Variants in DUSP4 observed in about 807,000 individuals in gnomAD.
The protein encoded by DUSP4 is dual specificity phosphatase 4, also known as dual specificity protein phosphatase 4.
A neutral mutation model predicts 27.2 loss-of-function variants in DUSP4; 12 were observed. The ratio of observed to expected loss-of-function variants is 0.44; its 90% CI spans 0.28 to 0.71. DUSP4 has a LOEUF of 0.71. Ranked by LOEUF, DUSP4 falls within the 30% of genes least tolerant of loss-of-function variation. DUSP4 has a pLI of 0.14. For synonymous variants in DUSP4, 257 were observed against 245.2 expected, an observed-to-expected ratio of 1.05 and a Z score of -0.45; for missense variants, 448 against 551.3, an observed-to-expected ratio of 0.81 and a Z score of 1.88.
intron 1 of DUSP4, chr8:29,347,689 G>A: frequency 1.1e-6 from 1 of 949,934 alleles, no homozygotes; most frequent in Non-Finnish European, 1.3e-6. Context: ...CGTCGGGGCC[G>A]ACTACGAGAG....
chr8:29,349,669 C>G (rs976672406), intron 1 of DUSP4, among the ~76,000 whole-genome samples, 177 bp downstream of exon 1: 6 of 152,242 alleles, frequency 3.9e-5, no homozygotes, highest in African/African-American at 1.4e-4. Flanking sequence ...GGACTTGAAC[C>G]TCGCACTTGC....
Position 29,345,821 on chromosome 8 carries a change from A to G in DUSP4, c.433+4025T>C, listed in dbSNP as rs534896183. 2.6e-6 allele frequency: 3 copies of G among 1,166,002 alleles called. No homozygotes were observed. The African/African-American group carries it at 4.9e-5, about 19-fold the overall frequency. The allele number at this position is 1,166,002 out of a possible 1,614,324, so 72.2% of individuals were successfully genotyped here. A position where few individuals can be genotyped will look rare whatever the true frequency, so the allele number is the denominator to read the frequency against. On this transcript the variant is annotated intron_variant, in intron 1 of 3. Transcript: ENST00000240100. ...TGTTAGTTGGAGACATCCAATGTAAATGGTGTCTAACATAGTGAGTTTGCT... is the reference window on the plus strand; with the variant it reads ...TGTTAGTTGGAGACATCCAATGTAAGTGGTGTCTAACATAGTGAGTTTGCT...
chr8:29,345,230 A>T, intron 1 of DUSP4: 1 of 1,030,142 alleles, frequency 9.7e-7, no homozygotes, highest in Non-Finnish European at 1.4e-6. Context: ...TTGCCAGAAA[A>T]GTCATGCTCT....
chr8:29,350,619 G>A lies in DUSP4; in HGVS notation c.-341C>T, dbSNP rs1032857244. 1 of 286,576 alleles carries A rather than the reference G, an allele frequency of 3.5e-6. No individual in the cohort carries two copies. The allele number at this position is 286,576 out of a possible 1,614,324, so 17.8% of individuals were successfully genotyped here. ...TATTTTTGCCGGTCGCGCGGCTCCT[G>A]TCGCCACTGGCGCCAGCGCTGCCCT... On this transcript the variant is annotated 5_prime_UTR_variant, in exon 1 of 4. Transcript: ENST00000240100.
In DUSP4 at chr8:29,345,107, G is replaced by A. The variant is rs563404629; in HGVS notation, c.433+4739C>T. On this transcript the variant is annotated intron_variant, in intron 1 of 3. Coordinates refer to ENST00000240100, the MANE Select transcript of DUSP4 (RefSeq NM_001394.7). ...CAAAGTGCTAGGATTGCAGGTGTGA[G>A]CCACCACACCCGGCCTTGGTCATGA... Among the ~76,000 whole-genome samples, 3 of 152,272 alleles carry A rather than the reference G, an allele frequency of 2.0e-5. No homozygotes were observed. The East Asian group carries it at 5.8e-4, about 29-fold the overall frequency.
rs764669713 is a variant in DUSP4, at chr8:29,337,201, G to A, written c.1010C>T (p.Thr337Met). 26 of 1,613,416 alleles carry A rather than the reference G, an allele frequency of 1.6e-5. No individual in the cohort carries two copies. The Admixed American group carries it at 1.8e-4, about 11-fold the overall frequency. ...LLQFESQVLA[T>M]SCAAEAASPS... ...GCTAGCAGCCTCCGCAGCACAGGAC[G>A]TGGCCAGCACCTGGGACTCGAACTG... The change falls in exon 4 of 4, where the codon ACG (threonine) becomes ATG (methionine). Residue 337 changes from threonine to methionine, a missense_variant. By Grantham distance (81) the Thr-to-Met change is moderately conservative (BLOSUM62 -1). Transcript: ENST00000240100. The surrounding 1 kb of genome is among the most constrained non-coding windows in gnomAD (Gnocchi z 6.4).
chr8:29,350,198 G>A lies in DUSP4; in HGVS notation c.81C>T (p.Gly27=). 6.2e-7 allele frequency: 1 copy of A among 1,607,776 alleles called. No individual in the cohort carries two copies. The highest frequency in any genetic ancestry group is 8.5e-7 in the Non-Finnish European group (1 of 1,178,090). ...RLMNRDENGG[G]AGGSGSHGTL... ...TGCCGTGGCTGCCGCTGCCGCCCGCGCCGCCGCCATTCTCGTCCCGGTTCA... is the reference window on the plus strand; with the variant it reads ...TGCCGTGGCTGCCGCTGCCGCCCGCACCGCCGCCATTCTCGTCCCGGTTCA... The change falls in exon 1 of 4, where the codon GGC becomes GGT. Residue 27 remains glycine (G), a synonymous_variant. Transcript: ENST00000240100.
rs1442651381 is a variant in DUSP4, at chr8:29,334,303, T to A, written c.*2723A>T. The A allele has an allele frequency of 1.3e-5, 2 of 152,258 alleles. No homozygotes were observed. Among genetic ancestry groups the A allele is most frequent in the Admixed American group, 1.3e-4 (2 of 15,288 alleles). 9.4% of individuals were successfully genotyped at this position (152,258 alleles called of 1,614,324 possible). ...GTTGAAACTCACTGACCTATTGGAC[T>A]GACGCTGGGGTGGTATCTTCATCAG... On this transcript the variant is annotated 3_prime_UTR_variant, in exon 4 of 4. Transcript: ENST00000240100.
rs1817596675 is a variant in DUSP4, at chr8:29,337,484, C to T, written c.800-73G>A. 1.3e-6 allele frequency: 2 copies of T among 1,515,398 alleles called. No individual in the cohort carries two copies. The highest frequency in any genetic ancestry group is 1.4e-5 in the African/African-American group (1 of 72,346). The allele number at this position is 1,515,398 out of a possible 1,614,324, so 93.9% of individuals were successfully genotyped here. A position where few individuals can be genotyped will look rare whatever the true frequency, so the allele number is the denominator to read the frequency against. The stretch of plus-strand genomic sequence containing the variant: ...CCCCGACCAGGGGCACCGGCCAGCC[C>T]CTGGGGTCGGGGGGCTCTGAAGGAA... On this transcript the variant is annotated intron_variant, in intron 3 of 3. Transcript: ENST00000240100. This position sits in a 1 kb window ranked among gnomAD's most constrained non-coding sequence, Gnocchi z 6.4.
intron 1 of DUSP4, among the ~76,000 whole-genome samples, chr8:29,343,837 A>G (rs1035920099): frequency 3.3e-5 from 5 of 152,148 alleles, no homozygotes; most frequent in Non-Finnish European, 5.9e-5. Flanking sequence ...ATATAAATTA[A>G]AATGTGTTTC....
intron 1 of DUSP4, 126 bp from the exon 2 acceptor site, chr8:29,340,369 C>CA (rs1817640932): frequency 8.1e-7 from 1 of 1,227,462 alleles, no homozygotes; most frequent in East Asian, 2.5e-5. Flanking sequence ...CCATATTGGC[C>CA]ACTAGGTGGC....
In DUSP4 at chr8:29,335,025, T is replaced by C. The variant is rs1037940239; in HGVS notation, c.*2001A>G. ...AGAGTATCCCAACGTGACGGTGACA[T>C]TGAGGCTTGACGTTATTTATGGGTG... is the stretch of plus-strand genomic sequence containing the variant. On this transcript the variant is annotated 3_prime_UTR_variant, in exon 4 of 4. Transcript: ENST00000240100. 2.0e-4 allele frequency: 31 copies of C among 152,154 alleles called. No homozygotes were observed. The highest frequency in any genetic ancestry group is 6.5e-4 in the African/African-American group (27 of 41,414). The allele number at this position is 152,154 out of a possible 1,614,324, so 9.4% of individuals were successfully genotyped here. A position where few individuals can be genotyped will look rare whatever the true frequency, so the allele number is the denominator to read the frequency against.
Position 29,337,197 on chromosome 8 carries a change from G to C in DUSP4, c.1014C>G (p.Ser338=), listed in dbSNP as rs1817587950. The change falls in exon 4 of 4, where the codon TCC becomes TCG. Residue 338 remains serine (S), a synonymous_variant. Coordinates refer to ENST00000240100, the MANE Select transcript of DUSP4 (RefSeq NM_001394.7). The surrounding 1 kb of genome is among the most constrained non-coding windows in gnomAD (Gnocchi z 6.4). ...AGGGGCTAGCAGCCTCCGCAGCACA[G>C]GACGTGGCCAGCACCTGGGACTCGA... ...LQFESQVLAT[S]CAAEAASPSG... is the part of the protein sequence containing the mutation. The C allele has an allele frequency of 2.5e-6, 4 of 1,613,352 alleles. No homozygotes were observed. In the East Asian group the frequency reaches 6.7e-5, roughly 27 times the overall value.
At chr8:29,340,504 A>G (rs970945973) in intron 1 of DUSP4, among the ~76,000 whole-genome samples, 1 of 152,216 alleles carries the variant, frequency 6.6e-6, no homozygotes, top group Non-Finnish European at 1.5e-5. Flanking sequence ...AGGTAGACAT[A>G]CAAAGGAAGA....
rs147438861 is a variant in DUSP4, at chr8:29,338,551, C to T, written c.580-50G>A. 1.2e-4 allele frequency: 190 copies of T among 1,570,774 alleles called. 3 individuals are homozygous for T. In the East Asian group the frequency reaches 1.8e-3, roughly 15 times the overall value. ...CCCTGAATGACATGAGGGTAAAGTG[C>T]TTGGCACAGGGAGTGGAAGCTTGTC... is the stretch of plus-strand genomic sequence containing the variant. On this transcript the variant is annotated intron_variant, in intron 2 of 3. Transcript: ENST00000240100.
Position 29,350,470 on chromosome 8 carries a change from T to G in DUSP4, c.-192A>C. 2 of 689,820 alleles carry G rather than the reference T, an allele frequency of 2.9e-6. No individual in the cohort carries two copies. Among genetic ancestry groups the G allele is most frequent in the Non-Finnish European group, 4.5e-6 (2 of 441,364 alleles). 42.7% of individuals were successfully genotyped at this position (689,820 alleles called of 1,614,324 possible). On this transcript the variant is annotated 5_prime_UTR_variant, in exon 1 of 4. An upstream start codon of the reference 5' UTR is lost. Coordinates refer to ENST00000240100, the MANE Select transcript of DUSP4 (RefSeq NM_001394.7). Reference sequence around the variant, plus strand: ...TTCCTCCCGCAGCCTCGCGGTCACATAGCAGTCGGAGCGGCCTCGGGCGCC... The same window carrying G: ...TTCCTCCCGCAGCCTCGCGGTCACAGAGCAGTCGGAGCGGCCTCGGGCGCC...
intron 1 of DUSP4, among the ~76,000 whole-genome samples, chr8:29,343,040 T>C (rs1417850877): frequency 1.2e-4 from 18 of 151,064 alleles, no homozygotes; most frequent in East Asian, 5.9e-4. Context: ...TGGTGGCGGG[T>C]GTCTGTAGTC....
chr8:29,349,937 G>A lies in DUSP4; in HGVS notation c.342C>T (p.Arg114=). The change falls in exon 1 of 4, where the codon CGC becomes CGT. Residue 114 remains arginine (R), a synonymous_variant. Coordinates refer to ENST00000240100, the MANE Select transcript of DUSP4 (RefSeq NM_001394.7). The part of the protein sequence containing the change: ...AVIVYDERSP[R]AESLREDSTV... ...TGCTGTCCTCGCGGAGGCTCTCGGCGCGCGGGCTGCGCTCGTCGTAGACGA... is the reference window on the plus strand; with the variant it reads ...TGCTGTCCTCGCGGAGGCTCTCGGCACGCGGGCTGCGCTCGTCGTAGACGA... 3.1e-6 allele frequency: 5 copies of A among 1,593,908 alleles called. No homozygotes were observed. In the South Asian group the frequency reaches 3.3e-5, roughly 11 times the overall value.
intron 1 of DUSP4, 85 bp downstream of exon 1, chr8:29,349,761 A>C (rs950284525): frequency 8.6e-5 from 118 of 1,379,312 alleles, no homozygotes; most frequent in Non-Finnish European, 1.1e-4. Context: ...CACGCCGGGG[A>C]CTCCTTCCCG....
Sources: gnomAD v4.1 joint callset for allele counts (sites outside exome capture counted in the v4.1 genomes callset) on GRCh38, gnomAD v4.1.1 for gene constraint, Gnocchi (gnomAD v3.1) non-coding constraint, MANE v1.5 for transcripts, NCBI Gene and HGNC (gene_info 2026-07-23, HGNC 2026-07-21) for gene names.